The following NRG3 variants were observed in gnomAD, a reference collection of about 807,000 sequenced individuals.
NRG3 encodes the protein neuregulin 3.
NRG3 carries 31 observed loss-of-function variants against 66.9 expected under a neutral mutation model. That is an observed-to-expected ratio of 0.46 (90% CI 0.35 to 0.63). The LOEUF (loss-of-function observed/expected upper bound fraction) is 0.63, where lower values mean the gene tolerates loss of function less well. Among genes scored for constraint, NRG3 ranks in the 20% least tolerant of loss-of-function variants. The pLI, the probability that NRG3 is intolerant of heterozygous loss-of-function variation, is 0.00. For synonymous variants in NRG3, 393 were observed against 359.4 expected (o/e 1.09, Z -1.06); for missense variants, 910 against 878.9 (o/e 1.04, Z -0.45).
intron 4 of NRG3, among the ~76,000 whole-genome samples, chr10:82,941,164 A>C (rs1848547400): frequency 6.6e-6 from 1 of 152,036 alleles, no homozygotes; most frequent in African/African-American, 2.4e-5. Flanking sequence ...GCTTGTAGCA[A>C]GGCTCAGGGA....
chr10:82,441,919 C>T (rs898533720), intron 2 of NRG3, among the ~76,000 whole-genome samples: 2 of 152,132 alleles, frequency 1.3e-5, no homozygotes, highest in Non-Finnish European at 2.9e-5. Context: ...TTGTCCCTTA[C>T]AATTTTACTT....
chr10:82,479,900 G>A (rs118091933), intron 2 of NRG3, among the ~76,000 whole-genome samples: 6,639 of 151,962 alleles, frequency 0.044, 195 homozygotes, highest in Middle Eastern at 0.065. Flanking sequence ...CCTGGAGCGC[G>A]GAGTTTGCAG....
At chr10:82,149,248 C>CTA (rs2070508051) in intron 1 of NRG3, among the ~76,000 whole-genome samples, 1 of 152,018 alleles carries the variant, frequency 6.6e-6, no homozygotes, top group African/African-American at 2.4e-5. Flanking sequence ...GTTTGGGTTT[C>CTA]TATTACATGA....
intron 2 of NRG3, among the ~76,000 whole-genome samples, chr10:82,378,485 T>C (rs901201010): frequency 1.3e-5 from 2 of 152,180 alleles, no homozygotes; most frequent in Non-Finnish European, 2.9e-5. Context: ...AAAGAGTTGA[T>C]GGAATTTTCT....
intron 2 of NRG3, among the ~76,000 whole-genome samples, chr10:82,482,735 G>A (rs1273866237): frequency 6.6e-6 from 1 of 152,130 alleles, no homozygotes; most frequent in African/African-American, 2.4e-5. Context: ...TTAAAGTTTA[G>A]GAAGCACAGG....
intron 2 of NRG3, among the ~76,000 whole-genome samples, chr10:82,643,886 G>A (rs564973543): frequency 4.3e-4 from 21 of 48,478 alleles, no homozygotes; most frequent in South Asian, 2.3e-3. Flanking sequence ...ACACACACGC[G>A]CACACACACA....
chr10:82,303,737 G>A (rs371169444), intron 1 of NRG3, among the ~76,000 whole-genome samples: 14 of 151,936 alleles, frequency 9.2e-5, no homozygotes, highest in African/African-American at 2.9e-4. Context: ...GCGTGGTGGC[G>A]AGGGCCTGTA....
At chr10:82,211,348 C>A (rs1172248568) in intron 1 of NRG3, among the ~76,000 whole-genome samples, 1 of 152,064 alleles carries the variant, frequency 6.6e-6, no homozygotes, top group Non-Finnish European at 1.5e-5. Context: ...TTAAAGAGTT[C>A]TTTAAAGAGT....
At chr10:82,182,086 T>C (rs2073460208) in intron 1 of NRG3, among the ~76,000 whole-genome samples, 1 of 151,112 alleles carries the variant, frequency 6.6e-6, no homozygotes, top group African/African-American at 2.4e-5. Context: ...TTTTTTTTTC[T>C]TTTTGAATGG....
intron 1 of NRG3, among the ~76,000 whole-genome samples, chr10:82,356,281 C>T (rs1363548729): frequency 6.6e-6 from 1 of 152,116 alleles, no homozygotes; most frequent in African/African-American, 2.4e-5. Flanking sequence ...AAGGATCTCA[C>T]TTTTTATGCT....
chr10:82,661,130 A>AT (rs2052324569), intron 2 of NRG3, among the ~76,000 whole-genome samples: 1 of 152,102 alleles, frequency 6.6e-6, no homozygotes, highest in Non-Finnish European at 1.5e-5. Context: ...TTCTTACTTA[A>AT]ATATTTACTA....
chr10:82,707,585 G>C (rs1384467337), intron 2 of NRG3, among the ~76,000 whole-genome samples: 1 of 151,236 alleles, frequency 6.6e-6, no homozygotes, highest in Non-Finnish European at 1.5e-5. Flanking sequence ...GTAGAGACAG[G>C]GACTTACTCT....
chr10:82,455,663 G>A (rs1309448544), intron 2 of NRG3, among the ~76,000 whole-genome samples: 2 of 148,278 alleles, frequency 1.3e-5, no homozygotes, highest in Non-Finnish European at 3.0e-5. Context: ...CGCCCAGGCT[G>A]GAGTGCAGTG....
intron 3 of NRG3, among the ~76,000 whole-genome samples, chr10:82,806,517 C>A (rs1279331332): frequency 6.6e-6 from 1 of 152,162 alleles, no homozygotes; most frequent in Non-Finnish European, 1.5e-5. Context: ...CACGGACCTA[C>A]AATTAATGTG....
chr10:82,203,141 G>T (rs2074933088), intron 1 of NRG3, among the ~76,000 whole-genome samples: 1 of 152,154 alleles, frequency 6.6e-6, no homozygotes, highest in Admixed American at 6.5e-5. Context: ...ACGGATTATA[G>T]AAAAGAGTGA....
At chr10:82,884,169 A>G (rs1842534190) in intron 4 of NRG3, among the ~76,000 whole-genome samples, 1 of 152,110 alleles carries the variant, frequency 6.6e-6, no homozygotes, top group Admixed American at 6.5e-5. Flanking sequence ...TGGGGGGAAA[A>G]AAAAGATGTT....
At chr10:82,434,826 G>A (rs1032715954) in intron 2 of NRG3, among the ~76,000 whole-genome samples, 1 of 152,140 alleles carries the variant, frequency 6.6e-6, no homozygotes, top group Non-Finnish European at 1.5e-5. Context: ...GTTGTTTGAT[G>A]TTCTGCTGGT....
intron 4 of NRG3, among the ~76,000 whole-genome samples, chr10:82,881,223 A>C (rs1842271110): frequency 6.6e-6 from 1 of 152,386 alleles, no homozygotes; most frequent in South Asian, 2.1e-4. Flanking sequence ...TTTAAAGCCA[A>C]GTTCCTATTG....
chr10:82,626,597 A>C (rs1418764012), intron 2 of NRG3, among the ~76,000 whole-genome samples: 2 of 152,166 alleles, frequency 1.3e-5, no homozygotes, highest in Non-Finnish European at 2.9e-5. Flanking sequence ...AGAGAGCATT[A>C]CCTTTAAAAA....
Sources: gnomAD v4.1 joint callset for allele counts (sites outside exome capture counted in the v4.1 genomes callset) on GRCh38, gnomAD v4.1.1 for gene constraint, MANE v1.5 for transcripts, NCBI Gene and HGNC (gene_info 2026-07-23, HGNC 2026-07-21) for gene names.